The following SCNN1B variants were observed in gnomAD, a reference collection of about 807,000 sequenced individuals.
SCNN1B encodes the protein epithelial sodium channel subunit beta.
In SCNN1B, 46 loss-of-function variants were observed where a neutral mutation model predicts 65.3. The observed-to-expected ratio is 0.70, with a 90% confidence interval of 0.56 to 0.90. The LOEUF (loss-of-function observed/expected upper bound fraction) is 0.90, where lower values mean the gene tolerates loss of function less well. Ranked by LOEUF, SCNN1B falls within the 40% of genes least tolerant of loss-of-function variation. SCNN1B has a pLI of 0.00. For missense variants in SCNN1B, 751 were observed against 830.5 expected, an observed-to-expected ratio of 0.90 and a Z score of 1.18; for synonymous variants, 349 against 330.6, an observed-to-expected ratio of 1.06 and a Z score of -0.60.
At chr16:23,325,807 C>G (rs1196225372) in intron 1 of SCNN1B, among the ~76,000 whole-genome samples, 1 of 151,818 alleles carries the variant, frequency 6.6e-6, no homozygotes, top group Non-Finnish European at 1.5e-5. Flanking sequence ...AATCTCAACA[C>G]TTTGAGAGGT....
chr16:23,307,719 G>C (rs1961251545), intron 1 of SCNN1B, among the ~76,000 whole-genome samples: 1 of 152,156 alleles, frequency 6.6e-6, no homozygotes. Context: ...GGGTCTCAAA[G>C]TGTAGTCCCC....
At chr16:23,297,284 G>T (rs11863892) in intron 2 of SCNN1B, among the ~76,000 whole-genome samples, 423 of 152,282 alleles carry the variant, frequency 2.8e-3, no homozygotes, top group African/African-American at 1.0e-2. Flanking sequence ...TCTCAGTTTA[G>T]AGCCAGACAT....
At chr16:23,288,904 T>C (rs1960886889) in intron 2 of SCNN1B, among the ~76,000 whole-genome samples, 2 of 152,180 alleles carry the variant, frequency 1.3e-5, no homozygotes, top group Non-Finnish European at 2.9e-5. Flanking sequence ...TCAGTTCCTG[T>C]CTGGTTTTTG....
intron 1 of SCNN1B, among the ~76,000 whole-genome samples, chr16:23,333,131 GAGGGAGGAAGGAAGGAAAGAAGGA>G (rs1961854236): frequency 1.1e-5 from 1 of 93,372 alleles, no homozygotes; most frequent in African/African-American, 5.0e-5. Flanking sequence ...GGGAGGGAGG[GAGGGAGGAAGGAAGGAAAGAAGGA>G]AGGAAGGAAG....
intron 1 of SCNN1B, among the ~76,000 whole-genome samples, chr16:23,346,782 A>G (rs989085927): frequency 1.3e-5 from 2 of 149,678 alleles, no homozygotes; most frequent in Non-Finnish European, 3.0e-5. Flanking sequence ...CACTTCTCCA[A>G]GGACTCTCAG....
At chr16:23,343,628 AAAGAAAGAAAGAAAGAAAG>A (rs1962120063) in intron 1 of SCNN1B, among the ~76,000 whole-genome samples, 2 of 130,394 alleles carry the variant, frequency 1.5e-5, no homozygotes, top group African/African-American at 3.0e-5. Context: ...AGAAAGAAAG[AAAGAAAGAAAGAAAGAAAG>A]AAAAAAAGAA....
chr16:23,308,921 A>G (rs1326762105), intron 1 of SCNN1B, among the ~76,000 whole-genome samples: 2 of 152,152 alleles, frequency 1.3e-5, no homozygotes, highest in East Asian at 1.9e-4. Context: ...TATTTTAATA[A>G]GCTCTCTTAG....
At chr16:23,364,780 A>G (rs532139312) in intron 4 of SCNN1B, among the ~76,000 whole-genome samples, 3 of 152,190 alleles carry the variant, frequency 2.0e-5, no homozygotes, top group Non-Finnish European at 4.4e-5. Context: ...ACCTGAGGTC[A>G]GGAGTTCAAG....
chr16:23,369,674 G>A (rs1047361008), intron 5 of SCNN1B, among the ~76,000 whole-genome samples: 3 of 152,024 alleles, frequency 2.0e-5, no homozygotes, highest in African/African-American at 4.8e-5. Context: ...GAGGGCAGGT[G>A]AGCTGAGTGC....
chr16:23,320,593 G>A (rs550600378), intron 1 of SCNN1B, among the ~76,000 whole-genome samples: 2 of 152,352 alleles, frequency 1.3e-5, no homozygotes, highest in South Asian at 4.2e-4. Flanking sequence ...TTGGAGTTGT[G>A]AGACAGCAAA....
intron 2 of SCNN1B, among the ~76,000 whole-genome samples, chr16:23,351,383 G>A (rs185003138): frequency 2.6e-5 from 4 of 152,286 alleles, no homozygotes; most frequent in Non-Finnish European, 4.4e-5. Context: ...TGGCATGCCA[G>A]GATTCAAACC....
chr16:23,349,924 C>G (rs747816393), intron 2 of SCNN1B, among the ~76,000 whole-genome samples: 1 of 151,804 alleles, frequency 6.6e-6, no homozygotes, highest in South Asian at 2.1e-4. Flanking sequence ...ATGGTGAAAC[C>G]TCAACTCTAC....
chr16:23,313,843 C>T (rs1961395510), intron 1 of SCNN1B, among the ~76,000 whole-genome samples: 1 of 152,174 alleles, frequency 6.6e-6, no homozygotes, highest in South Asian at 2.1e-4. Flanking sequence ...ATCTCTTGAC[C>T]TCGTGATCTG....
At chr16:23,349,326 A>T (rs1032020473) in intron 2 of SCNN1B, among the ~76,000 whole-genome samples, 3 of 152,092 alleles carry the variant, frequency 2.0e-5, no homozygotes, top group Non-Finnish European at 2.9e-5. Context: ...AAAAGTAAAT[A>T]ATTTTTTTTA....
intron 4 of SCNN1B, among the ~76,000 whole-genome samples, chr16:23,360,781 TGG>T (rs1962536119): frequency 6.7e-6 from 1 of 150,360 alleles, no homozygotes; most frequent in Non-Finnish European, 1.5e-5. Flanking sequence ...TTTTGGTTTT[TGG>T]TTTTTGGTTT....
upstream of SCNN1B, among the ~76,000 whole-genome samples, chr16:23,301,901 G>T (rs34678521): frequency 1.3e-5 from 2 of 152,194 alleles, no homozygotes; most frequent in Admixed American, 6.5e-5. Flanking sequence ...GTCTGCAGGG[G>T]TGTGGATGTG....
chr16:23,278,564 G>A (rs969718932), intron 1 of SCNN1B, among the ~76,000 whole-genome samples: 1 of 152,036 alleles, frequency 6.6e-6, no homozygotes, highest in Non-Finnish European at 1.5e-5. Flanking sequence ...GGGGGTAGTG[G>A]GAGACGGGAG....
intron 1 of SCNN1B, among the ~76,000 whole-genome samples, chr16:23,310,693 T>G (rs1387126823): frequency 4.6e-5 from 7 of 152,198 alleles, no homozygotes; most frequent in Admixed American, 4.6e-4. Flanking sequence ...AAAAGAAATG[T>G]GTTCTTGCAA....
At chr16:23,330,330 G>C (rs1463389006) in intron 1 of SCNN1B, among the ~76,000 whole-genome samples, 1 of 152,182 alleles carries the variant, frequency 6.6e-6, no homozygotes, top group African/African-American at 2.4e-5. Context: ...GGCACAAGCA[G>C]CTGTTCTGAG....
Sources: gnomAD v4.1 joint callset for allele counts (sites outside exome capture counted in the v4.1 genomes callset) on GRCh38, gnomAD v4.1.1 for gene constraint, MANE v1.5 for transcripts, NCBI Gene and HGNC (gene_info 2026-07-23, HGNC 2026-07-21) for gene names.